Variants in MACROD2 observed in about 807,000 individuals in gnomAD.
MACROD2 encodes the protein mono-ADP ribosylhydrolase 2, also known as ADP-ribose glycohydrolase MACROD2.
In MACROD2, 36 loss-of-function variants were observed where a neutral mutation model predicts 70.4. The observed-to-expected ratio is 0.51, with a 90% CI of 0.39 to 0.68. MACROD2 has a LOEUF of 0.68. MACROD2 is among the 30% of genes least tolerant of loss of function. The pLI, the probability that MACROD2 is intolerant of heterozygous loss-of-function variation, is 0.00. For missense variants in MACROD2, 496 were observed against 538.4 expected (o/e 0.92, Z 0.78); for synonymous variants, 172 against 178.8 (o/e 0.96, Z 0.30).
intron 3 of MACROD2, among the ~76,000 whole-genome samples, chr20:14,357,604 G>A (rs968527405): frequency 1.3e-5 from 2 of 152,192 alleles, no homozygotes; most frequent in Non-Finnish European, 2.9e-5. Flanking sequence ...TATGTTAAAT[G>A]TAGTGGTTCC....
chr20:15,207,175 C>T (rs1008110917), intron 5 of MACROD2, among the ~76,000 whole-genome samples: 1 of 152,040 alleles, frequency 6.6e-6, no homozygotes, highest in Non-Finnish European at 1.5e-5. Context: ...TTCCTGATGC[C>T]TCAAAATTAT....
chr20:15,150,012 T>A (rs2076257576), intron 5 of MACROD2, among the ~76,000 whole-genome samples: 2 of 151,338 alleles, frequency 1.3e-5, no homozygotes, highest in African/African-American at 4.8e-5. Context: ...GGCAAAAGTA[T>A]CCAACCATGC....
intron 8 of MACROD2, among the ~76,000 whole-genome samples, chr20:15,796,124 G>A (rs2063671412): frequency 6.6e-6 from 1 of 152,172 alleles, no homozygotes; most frequent in South Asian, 2.1e-4. Flanking sequence ...AGCAGAAATG[G>A]ACGCAGGTAT....
intron 6 of MACROD2, among the ~76,000 whole-genome samples, chr20:15,297,106 C>G (rs1428831441): frequency 6.6e-6 from 1 of 152,170 alleles, no homozygotes; most frequent in African/African-American, 2.4e-5. Flanking sequence ...TGCTTTCGTC[C>G]TCTGCTGCCT....
At chr20:15,265,526 CAT>C (rs2077286479) in intron 6 of MACROD2, among the ~76,000 whole-genome samples, 1 of 152,152 alleles carries the variant, frequency 6.6e-6, no homozygotes, top group Non-Finnish European at 1.5e-5. Context: ...TCATGTGACT[CAT>C]TTTTTTTCGA....
chr20:16,024,497 TCACA>T (rs145103665), intron 15 of MACROD2, among the ~76,000 whole-genome samples: 1 of 150,658 alleles, frequency 6.6e-6, no homozygotes, highest in Non-Finnish European at 1.5e-5. Flanking sequence ...GCAGCCATGT[TCACA>T]CACACACACA....
At chr20:14,514,627 A>G (rs2085070611) in intron 4 of MACROD2, among the ~76,000 whole-genome samples, 1 of 152,140 alleles carries the variant, frequency 6.6e-6, no homozygotes, top group Non-Finnish European at 1.5e-5. Flanking sequence ...TCACTAATAC[A>G]GGGAAGAAGT....
At chr20:15,078,241 T>C (rs1421869687) in intron 5 of MACROD2, among the ~76,000 whole-genome samples, 1 of 152,050 alleles carries the variant, frequency 6.6e-6, no homozygotes, top group Non-Finnish European at 1.5e-5. Context: ...TGGAAGATAA[T>C]AGAAGCTATA....
intron 8 of MACROD2, among the ~76,000 whole-genome samples, chr20:15,619,970 G>A (rs540655445): frequency 6.6e-6 from 1 of 152,220 alleles, no homozygotes; most frequent in African/African-American, 2.4e-5. Flanking sequence ...GTCATCTTAA[G>A]CAGGGCGTGG....
intron 3 of MACROD2, among the ~76,000 whole-genome samples, chr20:14,425,692 C>A (rs1270126761): frequency 6.6e-6 from 1 of 152,130 alleles, no homozygotes; most frequent in Non-Finnish European, 1.5e-5. Flanking sequence ...AACAAATTAT[C>A]CTGTAGGTTT....
At chr20:14,827,305 C>G (rs796753025) in intron 5 of MACROD2, among the ~76,000 whole-genome samples, 1 of 152,022 alleles carries the variant, frequency 6.6e-6, no homozygotes, top group Non-Finnish European at 1.5e-5. Flanking sequence ...TCACAGCGAC[C>G]GCATTAAGTA....
intron 4 of MACROD2, among the ~76,000 whole-genome samples, chr20:14,579,056 T>G (rs1308682629): frequency 1.3e-5 from 2 of 152,102 alleles, no homozygotes; most frequent in East Asian, 1.9e-4. Flanking sequence ...TCTATTTTAA[T>G]TCAGGTATTT....
At chr20:14,012,381 C>G (rs749548479) in intron 2 of MACROD2, among the ~76,000 whole-genome samples, 1 of 152,154 alleles carries the variant, frequency 6.6e-6, no homozygotes, top group African/African-American at 2.4e-5. Flanking sequence ...TCTAGCAATC[C>G]TGCACTCACA....
intron 8 of MACROD2, among the ~76,000 whole-genome samples, chr20:15,708,504 G>C (rs905073699): frequency 1.8e-4 from 28 of 152,148 alleles, no homozygotes; most frequent in Admixed American, 6.5e-5. Context: ...AAGGAAGTCA[G>C]GGAGGCGGAA....
At chr20:15,137,594 G>C (rs1045459101) in intron 5 of MACROD2, among the ~76,000 whole-genome samples, 1 of 149,058 alleles carries the variant, frequency 6.7e-6, no homozygotes, top group African/African-American at 2.5e-5. Context: ...AGCATTAGGA[G>C]ATATACCTAA....
chr20:15,799,989 G>A (rs1031401558), intron 8 of MACROD2, among the ~76,000 whole-genome samples: 1 of 151,986 alleles, frequency 6.6e-6, no homozygotes, highest in African/African-American at 2.4e-5. Context: ...GCTGATTGGA[G>A]TGTAGTGGTA....
chr20:15,930,549 T>C (rs1349572694), intron 10 of MACROD2, among the ~76,000 whole-genome samples: 2 of 152,226 alleles, frequency 1.3e-5, no homozygotes, highest in Non-Finnish European at 2.9e-5. Context: ...GACCGTTTTA[T>C]CTGAGGACAT....
At chr20:15,519,403 C>T (rs923592387) in intron 8 of MACROD2, among the ~76,000 whole-genome samples, 9 of 152,120 alleles carry the variant, frequency 5.9e-5, no homozygotes, top group South Asian at 4.2e-4. Flanking sequence ...AGATTACAGG[C>T]GTGAGTCACC....
At chr20:14,690,902 C>G (rs1251098569) in intron 5 of MACROD2, among the ~76,000 whole-genome samples, 7 of 152,124 alleles carry the variant, frequency 4.6e-5, no homozygotes, top group Non-Finnish European at 1.0e-4. Context: ...CTGTGGCAAT[C>G]TGCACTTTTA....
Sources: allele counts gnomAD v4.1 joint callset (sites outside exome capture counted in the v4.1 genomes callset), GRCh38; gene constraint gnomAD v4.1.1; transcripts MANE v1.5; gene names NCBI Gene and HGNC (gene_info 2026-07-23, HGNC 2026-07-21).